Variants in CASP8 observed in about 807,000 individuals in gnomAD.
CASP8 encodes caspase 8, also known as caspase-8.
CASP8 carries 24 observed loss-of-function variants against 46.3 expected under a neutral mutation model. That is an observed-to-expected ratio of 0.52 (90% CI 0.38 to 0.73). CASP8 has a LOEUF of 0.73. Ranked by LOEUF, CASP8 falls within the 30% of genes least tolerant of loss-of-function variation. The pLI is 0.00. For missense variants in CASP8, 460 were observed against 559.0 expected, an observed-to-expected ratio of 0.82 and a Z score of 1.79; for synonymous variants, 188 against 200.4, an observed-to-expected ratio of 0.94 and a Z score of 0.52.
intron 2 of CASP8, among the ~76,000 whole-genome samples, chr2:201,255,343 G>A (rs1946967093): frequency 6.6e-6 from 1 of 152,186 alleles, no homozygotes; most frequent in African/African-American, 2.4e-5. Context: ...CTCTTCAAGC[G>A]CTGGGATTAC....
upstream of CASP8, among the ~76,000 whole-genome samples, chr2:201,259,943 G>C (rs533294593): frequency 3.4e-5 from 5 of 147,866 alleles, no homozygotes; most frequent in East Asian, 7.9e-4. Flanking sequence ...TTTCTTTTTA[G>C]AGGTTTTTCA....
At chr2:201,238,374 C>T (rs1946145747) in intron 2 of CASP8, among the ~76,000 whole-genome samples, 1 of 152,174 alleles carries the variant, frequency 6.6e-6, no homozygotes, top group Non-Finnish European at 1.5e-5. Flanking sequence ...TATTCGCTCC[C>T]ACCTCAGCGT....
intron 2 of CASP8, among the ~76,000 whole-genome samples, chr2:201,270,862 TG>T (rs1183391919): frequency 6.6e-6 from 1 of 152,118 alleles, no homozygotes; most frequent in Non-Finnish European, 1.5e-5. Flanking sequence ...GTTATCGTTT[TG>T]GGGTTACTAA....
intron 1 of CASP8, chr2:201,262,168 C>G (rs1389496070): frequency 2.0e-5 from 3 of 152,094 alleles, no homozygotes; most frequent in African/African-American, 4.8e-5. Flanking sequence ...GTCACTGAAG[C>G]CCTTGAGTGA....
At chr2:201,270,117 T>C (rs1044296933) in intron 2 of CASP8, among the ~76,000 whole-genome samples, 11 of 152,248 alleles carry the variant, frequency 7.2e-5, no homozygotes, top group Admixed American at 5.9e-4. Flanking sequence ...TATTTTCCTT[T>C]ACACCATAGT....
chr2:201,258,229 G>C, upstream of CASP8: 1 of 1,607,206 alleles, frequency 6.2e-7, no homozygotes, highest in South Asian at 1.1e-5. Context: ...AGGAAGTGAG[G>C]CCATGGAGGG....
intron 2 of CASP8, among the ~76,000 whole-genome samples, chr2:201,252,473 A>C (rs1341691005): frequency 6.6e-6 from 1 of 152,012 alleles, no homozygotes; most frequent in Non-Finnish European, 1.5e-5. Flanking sequence ...ACGGGCTTTC[A>C]CCATGTTGGC....
chr2:201,278,691 C>T (rs2125346339), intron 7 of CASP8, among the ~76,000 whole-genome samples: 1 of 152,258 alleles, frequency 6.6e-6, no homozygotes, highest in Non-Finnish European at 1.5e-5. Context: ...CATGTGCCAC[C>T]ATACCCAGTT....
chr2:201,271,981 G>T (rs1948285682), intron 3 of CASP8, among the ~76,000 whole-genome samples: 1 of 152,060 alleles, frequency 6.6e-6, no homozygotes, highest in Non-Finnish European at 1.5e-5. Context: ...TCTGTGTGTT[G>T]TGTGTGTATT....
At chr2:201,268,040 C>T (rs541172895) in intron 2 of CASP8, among the ~76,000 whole-genome samples, 1 of 152,310 alleles carries the variant, frequency 6.6e-6, no homozygotes, top group African/African-American at 2.4e-5. Context: ...GATTCTTCTG[C>T]CTCAGCCTCC....
chr2:201,255,754 ATTTG>A (rs1362123530), upstream of CASP8, among the ~76,000 whole-genome samples: 1 of 152,108 alleles, frequency 6.6e-6, no homozygotes, highest in African/African-American at 2.4e-5. Context: ...ATATTTATTT[ATTTG>A]TTTATTTATT....
At position 201,272,955 on chromosome 2, in the gene CASP8, G is replaced by A; in HGVS notation, c.595+13G>A. The A allele has an allele frequency of 6.2e-7, 1 of 1,611,236 alleles. No homozygotes were observed. The highest frequency in any genetic ancestry group is 8.5e-7 in the Non-Finnish European group (1 of 1,177,636). On this transcript the variant is annotated intron_variant, in intron 5 of 8. Coordinates refer to ENST00000673742, the MANE Select transcript of CASP8 (RefSeq NM_001372051.1). The surrounding 1 kb of genome is among the most constrained non-coding windows in gnomAD (Gnocchi z 4.4). ...GAATTTTCAAATGGTAATGCTTGGA[G>A]ATACATTTTCAAGATTTAGTTAATT...
intron 2 of CASP8, chr2:201,242,576 T>G (rs1278846109): frequency 2.6e-5 from 4 of 152,138 alleles, no homozygotes; most frequent in African/African-American, 9.7e-5. Flanking sequence ...TTTCAACATA[T>G]GAATTTTAGG....
At position 201,266,456 on chromosome 2, in the gene CASP8, CTTAGA is replaced by C. The variant is rs1327337497; in HGVS notation, c.-26-1_-23del. 1.9e-5 allele frequency: 30 copies of C among 1,605,448 alleles called. No individual in the cohort carries two copies. Among genetic ancestry groups the C allele is most frequent in the Non-Finnish European group, 2.6e-5 (30 of 1,172,276 alleles). Reference sequence around the variant, plus strand: ...TATCTGAACATACCATTTATTTTGACTTAGATTATATTCTCCTGCCTTTTAAAAAG... The same window carrying C: ...TATCTGAACATACCATTTATTTTGACTTATATTCTCCTGCCTTTTAAAAAG... On this transcript the variant is annotated splice_acceptor_variant and splice_polypyrimidine_tract_variant and 5_prime_UTR_variant and intron_variant, in exon 2 of 9. Transcript: ENST00000673742. LOFTEE classifies it low-confidence loss of function (5UTR_SPLICE). The surrounding 1 kb of genome is among the most constrained non-coding windows in gnomAD (Gnocchi z 5.7).
At chr2:201,253,884 C>A (rs182496560) in intron 2 of CASP8, among the ~76,000 whole-genome samples, 1 of 152,114 alleles carries the variant, frequency 6.6e-6, no homozygotes, top group Admixed American at 6.5e-5. Flanking sequence ...GAGTTCGAGA[C>A]CAGCCTGACC....
In CASP8 at chr2:201,287,178, GTTAATATTCTA is replaced by G. The variant is rs1445171855; in HGVS notation, c.*589_*599del. ...GTTATCTATCAACTATAAGCCCACT[GTTAATATTCTA>G]TTAACTTTAATTCTCTTTCAAAGCT... On this transcript the variant is annotated 3_prime_UTR_variant, in exon 9 of 9. Coordinates refer to ENST00000673742, the MANE Select transcript of CASP8 (RefSeq NM_001372051.1). 1.3e-5 allele frequency: 2 copies of G among 156,346 alleles called. No individual in the cohort carries two copies. The highest frequency in any genetic ancestry group is 4.8e-5 in the African/African-American group (2 of 41,502). 9.7% of individuals were successfully genotyped at this position (156,346 alleles called of 1,614,324 possible).
At chr2:201,250,744 T>C (rs1158447207) in intron 2 of CASP8, among the ~76,000 whole-genome samples, 1 of 152,246 alleles carries the variant, frequency 6.6e-6, no homozygotes, top group East Asian at 1.9e-4. Context: ...TGCCATATTT[T>C]GTGGTAGCAC....
At chr2:201,235,624 ATGT>A (rs569010666) in intron 2 of CASP8, among the ~76,000 whole-genome samples, 368 of 152,332 alleles carry the variant, frequency 2.4e-3, no homozygotes, top group African/African-American at 8.4e-3. Flanking sequence ...GTACAGCCAC[ATGT>A]TGTTTAAAAC....
intron 2 of CASP8, among the ~76,000 whole-genome samples, chr2:201,251,954 C>T (rs1026731455): frequency 1.3e-5 from 2 of 151,844 alleles, no homozygotes; most frequent in Admixed American, 6.6e-5. Context: ...TCCAAAGTGT[C>T]CGTATGAGTT....
Sources: gnomAD v4.1 joint callset for allele counts (sites outside exome capture counted in the v4.1 genomes callset) on GRCh38, gnomAD v4.1.1 for gene constraint, Gnocchi (gnomAD v3.1) non-coding constraint, MANE v1.5 for transcripts, NCBI Gene and HGNC (gene_info 2026-07-23, HGNC 2026-07-21) for gene names.